FBN1: variants seen among roughly 807,000 people sequenced by gnomAD.
The protein encoded by FBN1 is fibrillin 1, also known as fibrillin-1.
Under a neutral mutation model 365.1 loss-of-function variants are expected in FBN1, and 29 were observed. The observed-to-expected ratio is 0.08, with a 90% CI of 0.06 to 0.11. The LOEUF (loss-of-function observed/expected upper bound fraction) is 0.11, where lower values mean the gene tolerates loss of function less well. Among genes scored for constraint, FBN1 ranks in the 10% least tolerant of loss-of-function variants. The pLI, the probability that FBN1 is intolerant of heterozygous loss-of-function variation, is 1.00. For synonymous variants in FBN1, 1,210 were observed against 1,270.5 expected (o/e 0.95, Z 1.01); for missense variants, 2,476 against 3,703.2 (o/e 0.67, Z 8.60).
intron 6 of FBN1, among the ~76,000 whole-genome samples, chr15:48,590,961 C>A (rs16961207): frequency 0.074 from 11,271 of 152,220 alleles, 468 homozygotes; most frequent in East Asian, 0.16. Flanking sequence ...TAACACAGAA[C>A]AAATGCACCA....
intron 2 of FBN1, among the ~76,000 whole-genome samples, chr15:48,624,793 T>A (rs915621860): frequency 6.6e-6 from 1 of 152,192 alleles, no homozygotes; most frequent in African/African-American, 2.4e-5. Flanking sequence ...ATAGAAATGA[T>A]TGAAAACACA....
intron 6 of FBN1, among the ~76,000 whole-genome samples, chr15:48,563,191 C>CT (rs1371903243): frequency 6.6e-6 from 1 of 152,090 alleles, no homozygotes; most frequent in Non-Finnish European, 1.5e-5. Context: ...ATTCTAGGCA[C>CT]TGAAGATATG....
rs140763506 is a variant in FBN1 at position 48,544,758 on chromosome 15, A to G, written c.539-6950T>C. 3.9e-3 allele frequency among the ~76,000 whole-genome samples: 588 copies of G among 152,348 alleles called. 7 individuals carry two copies. The highest frequency in any genetic ancestry group is 0.014 in the African/African-American group (563 of 41,576). On this transcript the variant is annotated intron_variant, in intron 6 of 65. Coordinates refer to ENST00000316623, the MANE Select transcript of FBN1 (RefSeq NM_000138.5). ...GAGTAAAAGAATATCTCATTTTGAA[A>G]TAATCATTTACCTGATATTATTTGT...
chr15:48,579,033 A>G (rs1382645088), intron 6 of FBN1, among the ~76,000 whole-genome samples: 27 of 118,014 alleles, frequency 2.3e-4, no homozygotes, highest in African/African-American at 1.6e-3. Context: ...AAAAAGGGGA[A>G]AAAAAAAAAA....
At chr15:48,414,831 G>A (rs1334503853) in intron 64 of FBN1, among the ~76,000 whole-genome samples, 3 of 149,914 alleles carry the variant, frequency 2.0e-5, no homozygotes, top group Non-Finnish European at 4.4e-5. Context: ...GGGAGGCAGA[G>A]CTTGCAGTGA....
At chr15:48,443,653 A>T (rs991307900) in intron 49 of FBN1, among the ~76,000 whole-genome samples, 19 of 152,210 alleles carry the variant, frequency 1.2e-4, no homozygotes, top group Non-Finnish European at 1.3e-4. Context: ...GATTAGATGC[A>T]GACCTGTTTA....
intron 43 of FBN1, among the ~76,000 whole-genome samples, chr15:48,456,979 T>C (rs1280748672): frequency 6.6e-6 from 1 of 152,148 alleles, no homozygotes; most frequent in African/African-American, 2.4e-5. Flanking sequence ...TTTAAATATA[T>C]GTTCTGGGTT....
At chr15:48,616,493 G>C (rs1889656404) in intron 2 of FBN1, among the ~76,000 whole-genome samples, 1 of 152,006 alleles carries the variant, frequency 6.6e-6, no homozygotes, top group Admixed American at 6.5e-5. Flanking sequence ...CTCTAATTCT[G>C]GAAATAAATG....
intron 16 of FBN1, 129 bp from the exon 17 acceptor site, chr15:48,504,068 CG>C: frequency 9.1e-7 from 1 of 1,103,500 alleles, no homozygotes; most frequent in South Asian, 1.3e-5. Flanking sequence ...CCTCTGATAT[CG>C]GGGCTCCATT....
chr15:48,478,757 G>A (rs77509161), intron 32 of FBN1, among the ~76,000 whole-genome samples: 2 of 152,134 alleles, frequency 1.3e-5, no homozygotes, highest in Non-Finnish European at 2.9e-5. Flanking sequence ...CAAAGCTTAC[G>A]GAGTAAAAAG....
intron 6 of FBN1, among the ~76,000 whole-genome samples, 162 bp downstream of exon 6, chr15:48,596,121 C>T (rs1240903181): frequency 1.3e-5 from 2 of 152,158 alleles, no homozygotes; most frequent in Non-Finnish European, 2.9e-5. Context: ...GATTCAGGGC[C>T]GCTGTCTTGT....
At chr15:48,483,767 A>C (rs952738013) in intron 31 of FBN1, 51 bp downstream of exon 31, 1 of 1,607,702 alleles carries the variant, frequency 6.2e-7, no homozygotes, top group Non-Finnish European at 8.5e-7. Flanking sequence ...GTAATTTAAC[A>C]GTGCTTATGA....
At chr15:48,481,486 A>G (rs1175093620) in intron 32 of FBN1, among the ~76,000 whole-genome samples, 169 bp downstream of exon 32, 1 of 152,206 alleles carries the variant, frequency 6.6e-6, no homozygotes, top group East Asian at 1.9e-4. Context: ...ATCCAATATA[A>G]ACGATGACAA....
In FBN1 at chr15:48,456,948, C is replaced by T. The variant is rs569363287; in HGVS notation, c.5297-186G>A. Among the ~76,000 whole-genome samples, 379 of 151,834 alleles carry T rather than the reference C, an allele frequency of 2.5e-3. 1 individual carries two copies. Among genetic ancestry groups the T allele is most frequent in the African/African-American group, 9.0e-3 (371 of 41,302 alleles). On this transcript the variant is annotated intron_variant, in intron 43 of 65. Coordinates refer to ENST00000316623, the MANE Select transcript of FBN1 (RefSeq NM_000138.5). Reference sequence around the variant, plus strand: ...CAAATTGAGATAACTAAACCACTTTCCAGACATGAGTCTAACTGGATTTAA... The same window carrying T: ...CAAATTGAGATAACTAAACCACTTTTCAGACATGAGTCTAACTGGATTTAA...
intron 6 of FBN1, among the ~76,000 whole-genome samples, chr15:48,557,230 C>A (rs913958209): frequency 2.6e-5 from 4 of 152,146 alleles, no homozygotes; most frequent in African/African-American, 9.7e-5. Flanking sequence ...TTTTAGAGAA[C>A]AGCTCGTCAC....
chr15:48,484,768 C>T (rs546032592), intron 30 of FBN1, among the ~76,000 whole-genome samples: 3 of 152,314 alleles, frequency 2.0e-5, no homozygotes, highest in African/African-American at 7.2e-5. Flanking sequence ...AATCCAAATT[C>T]TCTTCTTAAG....
At chr15:48,452,721 G>C in intron 44 of FBN1, 37 bp from the exon 45 acceptor site, 1 of 1,612,878 alleles carries the variant, frequency 6.2e-7, no homozygotes, top group South Asian at 1.1e-5. Flanking sequence ...AAGGAGAACA[G>C]AATCTGGTGT....
At chr15:48,542,833 T>TGTA (rs1566923409) in intron 6 of FBN1, among the ~76,000 whole-genome samples, 130 of 108,010 alleles carry the variant, frequency 1.2e-3, no homozygotes, top group African/African-American at 5.8e-3. Context: ...GTGTGTGTAT[T>TGTA]TTTTTTCCTT....
chr15:48,422,005 C>T lies in FBN1; in HGVS notation c.7517G>A (p.Gly2506Asp). 1 of 1,614,080 alleles carries T rather than the reference C, an allele frequency of 6.2e-7. No individual in the cohort carries two copies. The highest frequency in any genetic ancestry group is 8.5e-7 in the Non-Finnish European group (1 of 1,179,948). Residue 2506 changes from glycine (G) to aspartate (D), a missense_variant, in exon 61 of 66, where the codon GGC becomes GAC. By Grantham distance (94) the Gly-to-Asp change is moderately conservative. This residue lies in a region of FBN1 where 1,780 missense variants were observed against 2,840.8 expected (regional missense o/e 0.63). Coordinates refer to ENST00000316623, the MANE Select transcript of FBN1 (RefSeq NM_000138.5). ...TCCGGGAGGACATTTGCATGTGAAG[C>T]CGCCAATGGTGTTAACACATAGGAA... ...CQFLCVNTIGGFTCKCPPGFT... is the reference protein window; with the variant it reads ...CQFLCVNTIGDFTCKCPPGFT...
Sources: gnomAD v4.1 joint callset for allele counts (sites outside exome capture counted in the v4.1 genomes callset) on GRCh38, gnomAD v4.1.1 for gene constraint, gnomAD v4.1.1 regional missense constraint, MANE v1.5 for transcripts, NCBI Gene and HGNC (gene_info 2026-07-23, HGNC 2026-07-21) for gene names.